Variants in GSK3B observed in about 807,000 individuals in gnomAD.
GSK3B encodes the protein glycogen synthase kinase-3 beta.
In GSK3B, 15 loss-of-function variants were observed where a neutral mutation model predicts 56.4. That is an observed-to-expected ratio of 0.27 (90% CI 0.18 to 0.41). The LOEUF (loss-of-function observed/expected upper bound fraction) is 0.41. Among genes scored for constraint, GSK3B ranks in the 10% least tolerant of loss-of-function variants. The pLI is 1.00. For synonymous variants in GSK3B, 181 were observed against 188.9 expected, an observed-to-expected ratio of 0.96 and a Z score of 0.34; for missense variants, 300 against 513.4, an observed-to-expected ratio of 0.58 and a Z score of 4.02.
chr3:119,979,744 TA>T (rs1390960540), intron 2 of GSK3B, among the ~76,000 whole-genome samples: 2 of 152,198 alleles, frequency 1.3e-5, no homozygotes, highest in African/African-American at 4.8e-5. Flanking sequence ...TAAAAAACCC[TA>T]AAATGACTTC....
intron 8 of GSK3B, chr3:119,866,574 A>T: frequency 6.3e-7 from 1 of 1,584,112 alleles, no homozygotes; most frequent in Non-Finnish European, 8.6e-7. Context: ...TTGGGAAAAA[A>T]AAATTAAGTA....
At chr3:119,972,666 A>G (rs1008282002) in intron 2 of GSK3B, among the ~76,000 whole-genome samples, 1 of 151,948 alleles carries the variant, frequency 6.6e-6, no homozygotes, top group Non-Finnish European at 1.5e-5. Context: ...CGATCTCCTG[A>G]CCTCGTGATC....
In GSK3B at chr3:119,853,372, T is replaced by C. The variant is rs551022419; in HGVS notation, c.1097-10019A>G. Reference sequence around the variant, plus strand: ...CAAGTCGTGCTGCCTCCAGCTTTGTTCTTTTTGCTTAAGATTGTCTTGGCT... The same window carrying C: ...CAAGTCGTGCTGCCTCCAGCTTTGTCCTTTTTGCTTAAGATTGTCTTGGCT... On this transcript the variant is annotated intron_variant, in intron 9 of 10. Coordinates refer to ENST00000264235, the MANE Select transcript of GSK3B (RefSeq NM_001146156.2). Among the ~76,000 whole-genome samples, 5 of 152,356 alleles carry C rather than the reference T, an allele frequency of 3.3e-5. No homozygotes were observed. The South Asian group carries it at 1.0e-3, about 32-fold the overall frequency.
chr3:119,860,140 C>T (rs1445813227), intron 9 of GSK3B, among the ~76,000 whole-genome samples: 5 of 152,152 alleles, frequency 3.3e-5, no homozygotes, highest in African/African-American at 1.2e-4. Context: ...TAGGGGGAGA[C>T]TCACCTTTAA....
intron 1 of GSK3B, among the ~76,000 whole-genome samples, chr3:120,052,059 T>C (rs780841506): frequency 3.3e-5 from 5 of 152,312 alleles, no homozygotes; most frequent in Non-Finnish European, 7.4e-5. Flanking sequence ...TTTTTAAACA[T>C]ACTAAATGTG....
rs146943679 is a variant in GSK3B at position 120,087,973 on chromosome 3, A to G, written c.88+5374T>C. On this transcript the variant is annotated intron_variant, in intron 1 of 10. Transcript: ENST00000264235. ...AGTGGCACGATCTCAGCTCACTGCA[A>G]TCTCCGCCTCATGGGTTCAAACGAT... 1.3e-3 allele frequency among the ~76,000 whole-genome samples: 197 copies of G among 152,216 alleles called. 2 individuals carry two copies. Among genetic ancestry groups the G allele is most frequent in the Admixed American group, 4.2e-3 (64 of 15,292 alleles).
intron 1 of GSK3B, among the ~76,000 whole-genome samples, chr3:120,084,386 A>G (rs1177364918): frequency 6.6e-6 from 1 of 152,200 alleles, no homozygotes; most frequent in Admixed American, 6.5e-5. Context: ...GACAAAAACT[A>G]CTAGAGGAAA....
chr3:119,914,412 A>G (rs1165300436), intron 5 of GSK3B, among the ~76,000 whole-genome samples: 1 of 152,058 alleles, frequency 6.6e-6, no homozygotes. Context: ...TCCCAAGAGA[A>G]TGGGCTGTAC....
intron 2 of GSK3B, among the ~76,000 whole-genome samples, chr3:119,951,054 G>A (rs753168433): frequency 6.6e-6 from 1 of 152,178 alleles, no homozygotes; most frequent in Non-Finnish European, 1.5e-5. Flanking sequence ...TAGAGAAAAT[G>A]ACAGACTAGA....
intron 1 of GSK3B, among the ~76,000 whole-genome samples, chr3:120,088,190 C>A (rs1321932253): frequency 1.3e-5 from 2 of 152,040 alleles, no homozygotes; most frequent in Non-Finnish European, 2.9e-5. Flanking sequence ...CCGTGCCAGC[C>A]GAACTAAATT....
At chr3:119,909,285 A>G (rs962608642) in intron 6 of GSK3B, among the ~76,000 whole-genome samples, 14 of 152,150 alleles carry the variant, frequency 9.2e-5, no homozygotes, top group Admixed American at 3.9e-4. Context: ...TGCTGGGATT[A>G]CAGGTGTGAG....
chr3:120,063,751 C>T (rs1410712625), intron 1 of GSK3B, among the ~76,000 whole-genome samples: 1 of 143,600 alleles, frequency 7.0e-6, no homozygotes, highest in Non-Finnish European at 1.5e-5. Flanking sequence ...AAAAAAATCG[C>T]AGCACTTTGG....
intron 1 of GSK3B, among the ~76,000 whole-genome samples, chr3:120,011,980 C>A (rs981655780): frequency 6.6e-6 from 1 of 151,978 alleles, no homozygotes; most frequent in Admixed American, 6.6e-5. Context: ...CTCCATTTCC[C>A]CTTAAAAAAA....
At chr3:120,069,247 C>T (rs1553753405) in intron 1 of GSK3B, among the ~76,000 whole-genome samples, 1 of 151,980 alleles carries the variant, frequency 6.6e-6, no homozygotes, top group Non-Finnish European at 1.5e-5. Flanking sequence ...TCTTAGAGGT[C>T]CCAATGATCT....
chr3:119,931,151 C>T (rs1233349349), intron 3 of GSK3B, among the ~76,000 whole-genome samples: 1 of 152,164 alleles, frequency 6.6e-6, no homozygotes, highest in Non-Finnish European at 1.5e-5. Flanking sequence ...AAGCTTCTTG[C>T]ACAACATAAT....
intron 1 of GSK3B, among the ~76,000 whole-genome samples, chr3:120,018,932 C>T (rs779761836): frequency 2.2e-4 from 33 of 152,106 alleles, no homozygotes; most frequent in Non-Finnish European, 4.4e-4. Flanking sequence ...ACAGGTGCTA[C>T]TTTTGTAGGA....
chr3:119,964,358 GAT>G (rs993383674), intron 2 of GSK3B, among the ~76,000 whole-genome samples: 2 of 152,122 alleles, frequency 1.3e-5, no homozygotes, highest in African/African-American at 4.8e-5. Flanking sequence ...CAATAGCAAA[GAT>G]GGGAAAACCC....
At position 120,093,987 on chromosome 3, in the gene GSK3B, G is replaced by T; in HGVS notation, c.-553C>A. On this transcript the variant is annotated 5_prime_UTR_variant, in exon 1 of 11. Coordinates refer to ENST00000264235, the MANE Select transcript of GSK3B (RefSeq NM_001146156.2). ...AAGCCGCGGGATCCGGCGGGCTGAC[G>T]GCAGGGGCCCGGCGAACTAGAGGGC... 1 of 213,630 alleles carries T rather than the reference G, an allele frequency of 4.7e-6. No homozygotes were observed. The highest frequency in any genetic ancestry group is 1.4e-4 in the South Asian group (1 of 7,234). 13.2% of individuals were successfully genotyped at this position (213,630 alleles called of 1,614,324 possible). A position where few individuals can be genotyped will look rare whatever the true frequency, so the allele number is the denominator to read the frequency against.
chr3:120,002,296 A>G (rs1239147770), intron 1 of GSK3B, 57 bp from the exon 2 acceptor site: 1 of 931,212 alleles, frequency 1.1e-6, no homozygotes, highest in Non-Finnish European at 1.5e-6. Flanking sequence ...TAAATAGAGA[A>G]AACTGCCAAA....
Sources: allele counts gnomAD v4.1 joint callset (sites outside exome capture counted in the v4.1 genomes callset), GRCh38; gene constraint gnomAD v4.1.1; transcripts MANE v1.5; gene names NCBI Gene and HGNC (gene_info 2026-07-23, HGNC 2026-07-21).